The following TBC1D22A variants were observed in gnomAD, a reference collection of about 807,000 sequenced individuals.
TBC1D22A encodes putative GTPase activator.
Under a neutral mutation model 60.2 loss-of-function variants are expected in TBC1D22A, and 38 were observed. The observed-to-expected ratio is 0.63, with a 90% CI of 0.49 to 0.83. The LOEUF (loss-of-function observed/expected upper bound fraction) is 0.83. Ranked by LOEUF, TBC1D22A falls within the 40% of genes least tolerant of loss-of-function variation. The probability of loss-of-function intolerance (pLI) is 0.00; values close to 1 mark genes in which losing one functional copy is unlikely to be tolerated. For missense variants in TBC1D22A, 628 were observed against 701.0 expected, an observed-to-expected ratio of 0.90 and a Z score of 1.18; for synonymous variants, 302 against 281.7, an observed-to-expected ratio of 1.07 and a Z score of -0.72.
chr22:47,047,425 G>A (rs186601733), intron 11 of TBC1D22A, among the ~76,000 whole-genome samples: 17 of 152,356 alleles, frequency 1.1e-4, no homozygotes, highest in Admixed American at 9.1e-4. Flanking sequence ...CGTGCTGGGC[G>A]CTGAAGGAGA....
intron 10 of TBC1D22A, among the ~76,000 whole-genome samples, chr22:46,999,812 T>C (rs751042134): frequency 6.6e-6 from 1 of 151,766 alleles, no homozygotes; most frequent in Non-Finnish European, 1.5e-5. Flanking sequence ...GATCACGAGG[T>C]CAGGAGATCG....
intron 10 of TBC1D22A, among the ~76,000 whole-genome samples, chr22:46,998,230 T>TAATC (rs2075185415): frequency 6.6e-6 from 1 of 152,156 alleles, no homozygotes; most frequent in African/African-American, 2.4e-5. Flanking sequence ...ATCTTTAAAA[T>TAATC]AATCCCCCCT....
rs529885067 is a variant in TBC1D22A at position 47,150,515 on chromosome 22, C to T, written c.1426-22983C>T. 5.3e-5 allele frequency among the ~76,000 whole-genome samples: 8 copies of T among 152,330 alleles called. No homozygotes were observed. The East Asian group carries it at 1.4e-3, about 26-fold the overall frequency. ...GTACACCTGAGGCGGTCTGGGTGGC[C>T]GGGCTTGCTGGGTGGCACCGGAGTC... On this transcript the variant is annotated intron_variant, in intron 12 of 12. Coordinates refer to ENST00000337137, the MANE Select transcript of TBC1D22A (RefSeq NM_014346.5).
chr22:47,071,054 G>T (rs1365721697), intron 11 of TBC1D22A, among the ~76,000 whole-genome samples: 1 of 152,196 alleles, frequency 6.6e-6, no homozygotes, highest in Non-Finnish European at 1.5e-5. Flanking sequence ...TAAGATTATT[G>T]AACTTAAAGT....
chr22:46,985,017 A>AG (rs374056375), intron 9 of TBC1D22A, among the ~76,000 whole-genome samples: 1,993 of 152,220 alleles, frequency 0.013, 21 homozygotes, highest in Middle Eastern at 0.034. Context: ...AAGGCAGTTG[A>AG]GGGGGGAGCC....
intron 7 of TBC1D22A, among the ~76,000 whole-genome samples, chr22:46,898,228 T>C (rs183846773): frequency 4.7e-4 from 72 of 152,330 alleles, no homozygotes; most frequent in Non-Finnish European, 8.8e-5. Context: ...GAGTCACGGC[T>C]AGTGGTAGCA....
intron 4 of TBC1D22A, among the ~76,000 whole-genome samples, chr22:46,868,164 C>T (rs945464738): frequency 1.1e-4 from 17 of 152,064 alleles, no homozygotes; most frequent in African/African-American, 3.4e-4. Flanking sequence ...CTGTTAAGTA[C>T]GTATGTGGGA....
rs748273994 is a variant in TBC1D22A, at chr22:46,793,527, C to T, written c.146C>T (p.Pro49Leu). Residue 49 changes from proline (P) to leucine (L), a missense_variant, in exon 3 of 13, where the codon CCG becomes CTG. Pro to Leu is a moderately conservative substitution (Grantham distance 98). Transcript: ENST00000337137. The stretch of plus-strand genomic sequence containing the variant: ...TTGCTCAGGTCCACGGCCAAGATGC[C>T]GACCACACCAGTGAAGGCCAAGAGG... ...GTLLRSTAKM[P>L]TTPVKAKRVS... 1.1e-5 allele frequency: 18 copies of T among 1,614,050 alleles called. No homozygotes were observed. Among genetic ancestry groups the T allele is most frequent in the Admixed American group, 6.7e-5 (4 of 60,008 alleles).
At chr22:47,164,059 C>T (rs916941279) in intron 12 of TBC1D22A, among the ~76,000 whole-genome samples, 1 of 152,374 alleles carries the variant, frequency 6.6e-6, no homozygotes, top group Middle Eastern at 3.4e-3. Context: ...AGCCCTGTGT[C>T]TCTGACGCTG....
intron 1 of TBC1D22A, among the ~76,000 whole-genome samples, chr22:46,786,082 G>C (rs1201289237): frequency 6.6e-6 from 1 of 152,148 alleles, no homozygotes; most frequent in African/African-American, 2.4e-5. Flanking sequence ...TCTCATCCTT[G>C]TCTTTTTCCT....
chr22:46,813,706 A>G lies in TBC1D22A; in HGVS notation c.637+16086A>G, dbSNP rs1212609838. Among the ~76,000 whole-genome samples, 3 of 152,140 alleles carry G rather than the reference A, an allele frequency of 2.0e-5. No individual in the cohort carries two copies. In the East Asian group the frequency reaches 5.8e-4, roughly 29 times the overall value. On this transcript the variant is annotated intron_variant, in intron 4 of 12. Coordinates refer to ENST00000337137, the MANE Select transcript of TBC1D22A (RefSeq NM_014346.5). The stretch of plus-strand genomic sequence containing the variant: ...CCGTGGAAACACAGAGGAACGAGTA[A>G]TGAATTCTGCTGGGGATTTGGCTGG...
chr22:47,006,687 C>T (rs548460902), intron 10 of TBC1D22A, among the ~76,000 whole-genome samples: 1 of 152,328 alleles, frequency 6.6e-6, no homozygotes, highest in Non-Finnish European at 1.5e-5. Context: ...GGCGGTTGCA[C>T]CCCAGACCCT....
At chr22:46,799,008 C>A (rs1412459353) in intron 4 of TBC1D22A, among the ~76,000 whole-genome samples, 2 of 151,034 alleles carry the variant, frequency 1.3e-5, no homozygotes, top group South Asian at 4.2e-4. Flanking sequence ...GTAGAGTTCT[C>A]AGAGTGGGTG....
At chr22:47,164,744 G>GCAGCGCTGA (rs2068131005) in intron 12 of TBC1D22A, among the ~76,000 whole-genome samples, 1 of 152,240 alleles carries the variant, frequency 6.6e-6, no homozygotes, top group Non-Finnish European at 1.5e-5. Context: ...CGCTCCGCTG[G>GCAGCGCTGA]CAGCGCTGAC....
chr22:47,046,154 G>A (rs1001642683), intron 11 of TBC1D22A, among the ~76,000 whole-genome samples: 1 of 152,038 alleles, frequency 6.6e-6, no homozygotes, highest in Admixed American at 6.6e-5. Flanking sequence ...GGGTACAAAG[G>A]CCTTGCCCCA....
At chr22:47,129,878 CCTCT>C (rs915763105) in intron 12 of TBC1D22A, among the ~76,000 whole-genome samples, 2 of 152,184 alleles carry the variant, frequency 1.3e-5, no homozygotes, top group Non-Finnish European at 2.9e-5. Context: ...CTTGTTTTTT[CCTCT>C]CTCTCTGTCT....
At chr22:46,899,791 G>T (rs1225079263) in intron 7 of TBC1D22A, among the ~76,000 whole-genome samples, 1 of 152,052 alleles carries the variant, frequency 6.6e-6, no homozygotes, top group Admixed American at 6.6e-5. Context: ...TAGCACTTCT[G>T]CTTGTTTCCT....
chr22:46,901,711 G>C (rs570625670), intron 7 of TBC1D22A, among the ~76,000 whole-genome samples: 6 of 152,050 alleles, frequency 3.9e-5, no homozygotes, highest in African/African-American at 9.7e-5. Flanking sequence ...ACTCACATGG[G>C]GGGGGGATGT....
chr22:46,909,710 T>C (rs1445962101), intron 7 of TBC1D22A, among the ~76,000 whole-genome samples: 1 of 152,186 alleles, frequency 6.6e-6, no homozygotes, highest in Non-Finnish European at 1.5e-5. Context: ...CCTGACCCTT[T>C]TGGGGGCTCA....
Sources: allele counts gnomAD v4.1 joint callset (sites outside exome capture counted in the v4.1 genomes callset), GRCh38; gene constraint gnomAD v4.1.1; transcripts MANE v1.5; gene names NCBI Gene and HGNC (gene_info 2026-07-23, HGNC 2026-07-21).